The following XKR4 variants were observed in gnomAD, a reference collection of about 807,000 sequenced individuals.
XKR4 encodes XK related 4, also known as XK-related protein 4.
XKR4 carries 12 observed loss-of-function variants against 53.9 expected under a neutral mutation model. The ratio of observed to expected loss-of-function variants is 0.22; its 90% CI spans 0.14 to 0.36. The LOEUF (loss-of-function observed/expected upper bound fraction) is 0.36. Ranked by LOEUF, XKR4 falls within the 10% of genes least tolerant of loss-of-function variation. The probability of loss-of-function intolerance (pLI) is 1.00; values close to 1 mark genes in which losing one functional copy is unlikely to be tolerated. For synonymous variants in XKR4, 354 were observed against 362.4 expected, an observed-to-expected ratio of 0.98 and a Z score of 0.26; for missense variants, 799 against 859.5, an observed-to-expected ratio of 0.93 and a Z score of 0.88.
chr8:55,388,813 T>C (rs1223419914), intron 2 of XKR4, among the ~76,000 whole-genome samples: 5 of 152,140 alleles, frequency 3.3e-5, no homozygotes. Context: ...CCTATTCAGA[T>C]CTGTTATCCT....
chr8:55,382,767 G>GT (rs1804254045), intron 2 of XKR4, among the ~76,000 whole-genome samples: 1 of 151,938 alleles, frequency 6.6e-6, no homozygotes, highest in Admixed American at 6.6e-5. Flanking sequence ...TTTAGCATCT[G>GT]GTTTTTTTTT....
At chr8:55,376,009 T>C (rs1327787604) in intron 2 of XKR4, among the ~76,000 whole-genome samples, 2 of 152,204 alleles carry the variant, frequency 1.3e-5, no homozygotes, top group African/African-American at 4.8e-5. Context: ...ATTAGTTTGT[T>C]GAGAATAATG....
chr8:55,184,853 TC>T (rs1817355934), intron 1 of XKR4, among the ~76,000 whole-genome samples: 1 of 133,458 alleles, frequency 7.5e-6, no homozygotes, highest in African/African-American at 2.8e-5. Context: ...TCTATTTTTT[TC>T]TTTTTTAAGG....
intron 1 of XKR4, among the ~76,000 whole-genome samples, chr8:55,315,183 G>A (rs1217365890): frequency 1.3e-5 from 2 of 152,142 alleles, no homozygotes; most frequent in African/African-American, 2.4e-5. Flanking sequence ...TTATTAGCAG[G>A]TAGCTTTAGC....
rs1183424372 is a variant in XKR4, at chr8:55,103,064, C to A, written c.576C>A (p.Cys192Ter). Residue 192 changes from cysteine (C) to a stop codon, truncating the protein, a stop_gained, in exon 1 of 3, where the codon TGC becomes TGA. Transcript: ENST00000327381. LOFTEE classifies it high-confidence loss of function. ...GCTGCCCGCAGCCTGGAGCCGATTG[C>A]AAGACGGTGGTCGGCGGTGGGTCTG... ...ASSCPQPGADCKTVVGGGSAA... is the reference protein window; with the variant it reads ...ASSCPQPGAD The A allele has an allele frequency of 6.2e-7, 1 of 1,612,758 alleles. No homozygotes were observed. Among genetic ancestry groups the A allele is most frequent in the Non-Finnish European group, 8.5e-7 (1 of 1,179,728 alleles).
intron 2 of XKR4, among the ~76,000 whole-genome samples, chr8:55,409,249 C>T (rs1205401648): frequency 1.3e-5 from 2 of 152,240 alleles, no homozygotes; most frequent in Non-Finnish European, 2.9e-5. Flanking sequence ...CCTGCCTGCC[C>T]TAGCTCTACA....
intron 1 of XKR4, among the ~76,000 whole-genome samples, chr8:55,222,835 AT>A (rs200874275): frequency 0.026 from 3,873 of 150,038 alleles, 102 homozygotes; most frequent in African/African-American, 0.062. Context: ...AAAGGAGGGG[AT>A]TTTTTTTTTA....
intron 2 of XKR4, among the ~76,000 whole-genome samples, chr8:55,493,980 G>A (rs1273435405): frequency 6.6e-6 from 1 of 152,232 alleles, no homozygotes; most frequent in Non-Finnish European, 1.5e-5. Flanking sequence ...GGCTAGTGGT[G>A]CCTTTGCCCG....
At chr8:55,385,807 A>G (rs565403733) in intron 2 of XKR4, among the ~76,000 whole-genome samples, 6 of 152,366 alleles carry the variant, frequency 3.9e-5, no homozygotes, top group African/African-American at 1.4e-4. Flanking sequence ...TTAACCTGTT[A>G]GAAAGAACCA....
chr8:55,531,775 G>A lies in XKR4; in HGVS notation c.*7548G>A, dbSNP rs922804563. 2 of 152,220 alleles carry A rather than the reference G, an allele frequency of 1.3e-5. No individual in the cohort carries two copies. The highest frequency in any genetic ancestry group is 4.8e-5 in the African/African-American group (2 of 41,468). 9.4% of individuals were successfully genotyped at this position (152,220 alleles called of 1,614,324 possible). ...ATAGGTGACTTCTCTGATTTTTCAA[G>A]AAAGCATTCTTCACTAACTGTATTT... is the stretch of plus-strand genomic sequence containing the variant. On this transcript the variant is annotated 3_prime_UTR_variant, in exon 3 of 3. Coordinates refer to ENST00000327381, the MANE Select transcript of XKR4 (RefSeq NM_052898.2).
intron 2 of XKR4, among the ~76,000 whole-genome samples, chr8:55,477,720 G>A (rs1806021701): frequency 6.6e-6 from 1 of 152,112 alleles, no homozygotes; most frequent in South Asian, 2.1e-4. Flanking sequence ...AGGAGCTGAT[G>A]GAGCTGAAAG....
At chr8:55,512,785 A>G (rs772939037) in intron 2 of XKR4, among the ~76,000 whole-genome samples, 3 of 152,072 alleles carry the variant, frequency 2.0e-5, no homozygotes, top group Non-Finnish European at 2.9e-5. Context: ...ACACCCCTCC[A>G]TGGATGGGCA....
intron 2 of XKR4, among the ~76,000 whole-genome samples, chr8:55,460,373 C>G (rs527910981): frequency 6.6e-6 from 1 of 152,262 alleles, no homozygotes; most frequent in East Asian, 1.9e-4. Flanking sequence ...AATAAATTTG[C>G]TCAAAATCAT....
At chr8:55,319,724 C>A (rs1803179513) in intron 1 of XKR4, among the ~76,000 whole-genome samples, 1 of 152,156 alleles carries the variant, frequency 6.6e-6, no homozygotes, top group South Asian at 2.1e-4. Context: ...CTACATTAGG[C>A]AAAAGCTATT....
At chr8:55,251,332 C>G (rs1016795666) in intron 1 of XKR4, among the ~76,000 whole-genome samples, 4 of 152,184 alleles carry the variant, frequency 2.6e-5, no homozygotes, top group Non-Finnish European at 5.9e-5. Flanking sequence ...CATTTAAGGT[C>G]AAGATTAACG....
At chr8:55,363,637 C>T (rs1287366655) in intron 2 of XKR4, among the ~76,000 whole-genome samples, 2 of 152,136 alleles carry the variant, frequency 1.3e-5, no homozygotes, top group African/African-American at 4.8e-5. Context: ...TGTCTCCAGC[C>T]GCATTTAAAT....
chr8:55,535,402 G>T lies in XKR4; in HGVS notation c.*11175G>T, dbSNP rs1292171470. 8.0e-6 allele frequency: 1 copy of T among 125,220 alleles called. No individual in the cohort carries two copies. Among genetic ancestry groups the T allele is most frequent in the Non-Finnish European group, 1.6e-5 (1 of 62,994 alleles). The allele number at this position is 125,220 out of a possible 1,614,324, so 7.8% of individuals were successfully genotyped here. On this transcript the variant is annotated 3_prime_UTR_variant, in exon 3 of 3. Transcript: ENST00000327381. The stretch of plus-strand genomic sequence containing the variant: ...TCCCCCCACCCCACAACACTCCCCG[G>T]TGTGTGATGTTCCCCTTCCTGTGCA...
intron 1 of XKR4, among the ~76,000 whole-genome samples, chr8:55,185,790 A>G (rs1817369558): frequency 6.6e-6 from 1 of 152,166 alleles, no homozygotes; most frequent in Admixed American, 6.5e-5. Flanking sequence ...TTCTCAGAAG[A>G]GAGTATAAGA....
intron 1 of XKR4, among the ~76,000 whole-genome samples, chr8:55,277,207 T>C (rs1284168371): frequency 2.0e-5 from 3 of 152,192 alleles, no homozygotes; most frequent in Non-Finnish European, 4.4e-5. Flanking sequence ...TATGTGCATC[T>C]CTCAGCTATC....
Sources: gnomAD v4.1 joint callset for allele counts (sites outside exome capture counted in the v4.1 genomes callset) on GRCh38, gnomAD v4.1.1 for gene constraint, MANE v1.5 for transcripts, NCBI Gene and HGNC (gene_info 2026-07-23, HGNC 2026-07-21) for gene names.